The following SGCD variants were observed in gnomAD, a reference collection of about 807,000 sequenced individuals.
The protein encoded by SGCD is delta-sarcoglycan.
In SGCD, 18 loss-of-function variants were observed where a neutral mutation model predicts 36.6. That is an observed-to-expected ratio of 0.49 (90% CI 0.34 to 0.73). The LOEUF (loss-of-function observed/expected upper bound fraction) is 0.73, where lower values mean the gene tolerates loss of function less well. SGCD is among the 30% of genes least tolerant of loss of function. The pLI is 0.01. For missense variants in SGCD, 387 were observed against 346.7 expected, an observed-to-expected ratio of 1.12 and a Z score of -0.92; for synonymous variants, 133 against 130.6, an observed-to-expected ratio of 1.02 and a Z score of -0.12.
At chr5:156,490,277 C>T (rs80079140) in intron 3 of SGCD, among the ~76,000 whole-genome samples, 3,276 of 151,974 alleles carry the variant, frequency 0.022, 34 homozygotes, top group Non-Finnish European at 0.031. Flanking sequence ...TTCAACCAAA[C>T]GTACAAAGAA....
intron 3 of SGCD, among the ~76,000 whole-genome samples, chr5:156,504,860 A>C (rs1756626456): frequency 1.3e-5 from 2 of 152,208 alleles, no homozygotes; most frequent in Admixed American, 6.5e-5. Flanking sequence ...GACTTGCTAT[A>C]ATACCCCAAA....
intron 1 of SGCD, among the ~76,000 whole-genome samples, chr5:156,034,208 G>A (rs1759432644): frequency 6.6e-6 from 1 of 152,176 alleles, no homozygotes; most frequent in East Asian, 1.9e-4. Flanking sequence ...AGATATGCAG[G>A]TGTTTCCAGC....
At chr5:156,560,994 ATTAT>A (rs1387972308) in intron 4 of SGCD, among the ~76,000 whole-genome samples, 1 of 152,198 alleles carries the variant, frequency 6.6e-6, no homozygotes, top group Non-Finnish European at 1.5e-5. Context: ...TACTATTGTA[ATTAT>A]TTATTAGGCA....
chr5:156,154,298 G>A (rs113533224), intron 3 of SGCD, among the ~76,000 whole-genome samples: 2,269 of 151,660 alleles, frequency 0.015, 144 homozygotes, highest in African/African-American at 0.052. Flanking sequence ...TTGAACAGTG[G>A]CCTTTCCTCT....
At chr5:155,762,400 A>G in the SGCD span, among the ~76,000 whole-genome samples, 1 of 152,342 alleles carries the variant, frequency 6.6e-6, no homozygotes, top group South Asian at 2.1e-4. Context: ...CAGCAATAAC[A>G]TCTTTGACTT....
chr5:156,619,447 C>T (rs966406706), intron 6 of SGCD, among the ~76,000 whole-genome samples: 5 of 152,174 alleles, frequency 3.3e-5, no homozygotes, highest in African/African-American at 1.2e-4. Context: ...CATCTGTTGG[C>T]CTGTTTTTAT....
intron 1 of SGCD, among the ~76,000 whole-genome samples, chr5:155,986,343 T>C (rs1320130536): frequency 6.6e-6 from 1 of 152,224 alleles, no homozygotes; most frequent in Non-Finnish European, 1.5e-5. Context: ...TTTACTAAAC[T>C]CTTTCCTTTA....
chr5:155,821,475 G>A, the SGCD span, among the ~76,000 whole-genome samples: 2,210 of 152,044 alleles, frequency 0.015, 56 homozygotes, highest in African/African-American at 0.045. Flanking sequence ...CACCACGCCC[G>A]GCTAATTTTT....
chr5:156,145,787 A>G (rs1762695986), intron 3 of SGCD, among the ~76,000 whole-genome samples: 1 of 152,242 alleles, frequency 6.6e-6, no homozygotes. Flanking sequence ...TGTGTTCTCT[A>G]AAGAGAATGA....
In SGCD at chr5:156,653,499, T is replaced by TTTTTTTTTTTTTTTTG; in HGVS notation, c.575+5972_575+5973insTTTTTTGTTTTTTTTT. ...TACGTAATTCTAAAGCTTGCTTTTT[T>TTTTTTTTTTTTTTTTG]TTTTTTTTTGCCCCTGTTGTTCAAA... On this transcript the variant is annotated intron_variant, in intron 7 of 8. Coordinates refer to ENST00000337851, the MANE Select transcript of SGCD (RefSeq NM_000337.6). 1.4e-5 allele frequency among the ~76,000 whole-genome samples: 2 copies of TTTTTTTTTTTTTTTTG among 138,628 alleles called. 1 individual carries two copies. The highest frequency in any genetic ancestry group is 4.3e-4 in the East Asian group (2 of 4,630). 90.9% of individuals were successfully genotyped at this position (138,628 alleles called of 152,430 possible). A position where few individuals can be genotyped will look rare whatever the true frequency, so the allele number is the denominator to read the frequency against.
chr5:156,716,251 C>T (rs1413738767), intron 7 of SGCD, among the ~76,000 whole-genome samples: 1 of 152,084 alleles, frequency 6.6e-6, no homozygotes, highest in Non-Finnish European at 1.5e-5. Flanking sequence ...ATGTGCTTAC[C>T]CTTGTCAGTT....
At chr5:156,172,872 A>G (rs957632886) in intron 3 of SGCD, among the ~76,000 whole-genome samples, 2 of 152,044 alleles carry the variant, frequency 1.3e-5, no homozygotes, top group African/African-American at 4.8e-5. Flanking sequence ...AACTTGATAC[A>G]TATTATTGGC....
In SGCD at chr5:156,058,087, T is replaced by C. The variant is rs1310186034; in HGVS notation, c.-281-59791T>C. 2.1e-5 allele frequency among the ~76,000 whole-genome samples: 3 copies of C among 146,102 alleles called. No individual in the cohort carries two copies. In the Admixed American group the frequency reaches 2.1e-4, roughly 10 times the overall value. On this transcript the variant is annotated intron_variant, in intron 1 of 9. Coordinates refer to the SGCD transcript ENST00000517913. ...CATTAATGTTGCTAACATTATAAAATGGGTGAACCAAATTATATGGGCTTC... is the reference window on the plus strand; with the variant it reads ...CATTAATGTTGCTAACATTATAAAACGGGTGAACCAAATTATATGGGCTTC...
intron 6 of SGCD, among the ~76,000 whole-genome samples, chr5:156,624,188 T>G (rs1257408673): frequency 2.6e-5 from 4 of 152,180 alleles, no homozygotes; most frequent in Non-Finnish European, 4.4e-5. Flanking sequence ...AAATTTGAGT[T>G]AGTTCTTGAA....
intron 3 of SGCD, among the ~76,000 whole-genome samples, chr5:156,199,317 T>C (rs887184645): frequency 9.2e-5 from 14 of 152,186 alleles, no homozygotes; most frequent in African/African-American, 3.4e-4. Context: ...GCTTTGGCTA[T>C]TGGCCCCAAA....
intron 4 of SGCD, among the ~76,000 whole-genome samples, chr5:156,535,732 C>A (rs1483608877): frequency 6.6e-6 from 1 of 152,114 alleles, no homozygotes; most frequent in Non-Finnish European, 1.5e-5. Flanking sequence ...TAAGTCATTT[C>A]TGTTCAATTC....
intron 1 of SGCD, among the ~76,000 whole-genome samples, chr5:155,875,601 T>C (rs1422108681): frequency 6.6e-6 from 1 of 152,080 alleles, no homozygotes; most frequent in African/African-American, 2.4e-5. Flanking sequence ...GGCATTTCAA[T>C]TTATTATTTT....
rs1353856794 is a variant in SGCD at position 155,909,829 on chromosome 5, T to C, written c.-282+39405T>C. Among the ~76,000 whole-genome samples the C allele has an allele frequency of 2.6e-5, 4 of 152,092 alleles. No individual in the cohort carries two copies. The East Asian group carries it at 5.8e-4, about 22-fold the overall frequency. On this transcript the variant is annotated intron_variant, in intron 1 of 9. Transcript: ENST00000517913. ...AACAGATGAAGACCAATTTTTTTTT[T>C]CAAAATTTAACATTCAAGGGTTTTT...
At chr5:155,900,883 A>T (rs186351711) in intron 1 of SGCD, among the ~76,000 whole-genome samples, 144 of 152,268 alleles carry the variant, frequency 9.5e-4, no homozygotes, top group African/African-American at 3.3e-3. Flanking sequence ...GTTCAGAAAT[A>T]TGTGCACACT....
Sources: gnomAD v4.1 joint callset for allele counts (sites outside exome capture counted in the v4.1 genomes callset) on GRCh38, gnomAD v4.1.1 for gene constraint, MANE v1.5 for transcripts, NCBI Gene and HGNC (gene_info 2026-07-23, HGNC 2026-07-21) for gene names.